Variants in SLC36A2 observed in about 807,000 individuals in gnomAD.
SLC36A2 encodes the protein proton-coupled amino acid transporter 2.
A neutral mutation model predicts 42.7 loss-of-function variants in SLC36A2; 39 were observed. The observed-to-expected ratio is 0.91, with a 90% CI of 0.71 to 1.19. SLC36A2 has a LOEUF of 1.19. Ranked by LOEUF, SLC36A2 falls within the 50% of genes most tolerant of loss-of-function variation. The pLI, the probability that SLC36A2 is intolerant of heterozygous loss-of-function variation, is 0.00. For missense variants in SLC36A2, 590 were observed against 613.7 expected, an observed-to-expected ratio of 0.96 and a Z score of 0.41; for synonymous variants, 237 against 240.8, an observed-to-expected ratio of 0.98 and a Z score of 0.15.
At chr5:151,347,172 T>C (rs1378072878) in intron 1 of SLC36A2, 125 bp downstream of exon 1, 1 of 1,221,430 alleles carries the variant, frequency 8.2e-7, no homozygotes, top group African/African-American at 1.5e-5. Context: ...TGACTGCACC[T>C]TTTGCAACCT....
At position 151,316,811 on chromosome 5, in the gene SLC36A2, C is replaced by T. The variant is rs760235558; in HGVS notation, c.*6G>A. On this transcript the variant is annotated 3_prime_UTR_variant, in exon 10 of 10. Coordinates refer to ENST00000335244, the MANE Select transcript of SLC36A2 (RefSeq NM_181776.3). Reference sequence around the variant, plus strand: ...GGGTGCTGGTAGGCAAGGAGCAGTGCCAGGCTCACCGAACAAAAGTGGTGG... The same window carrying T: ...GGGTGCTGGTAGGCAAGGAGCAGTGTCAGGCTCACCGAACAAAAGTGGTGG... 6.2e-7 allele frequency: 1 copy of T among 1,612,176 alleles called. No individual in the cohort carries two copies. The highest frequency in any genetic ancestry group is 1.1e-5 in the South Asian group (1 of 91,008).
intron 4 of SLC36A2, among the ~76,000 whole-genome samples, chr5:151,342,603 C>T (rs1004533276): frequency 1.3e-5 from 2 of 152,220 alleles, no homozygotes; most frequent in African/African-American, 4.8e-5. Context: ...TTGTTCTTCT[C>T]AGTCCCCATG....
intron 1 of SLC36A2, 146 bp from the exon 2 acceptor site, chr5:151,344,413 C>T: frequency 1.4e-6 from 1 of 739,560 alleles, no homozygotes; most frequent in Admixed American, 2.0e-5. Context: ...ATCTGGGTCT[C>T]CTGTAGGGTT....
rs772200483 is a variant in SLC36A2 at position 151,333,291 on chromosome 5, A to T, written c.776T>A (p.Val259Glu). 7.4e-6 allele frequency: 12 copies of T among 1,614,106 alleles called. No individual in the cohort carries two copies. The highest frequency in any genetic ancestry group is 1.0e-5 in the Non-Finnish European group (12 of 1,179,958). Reference sequence around the variant, plus strand: ...GAGAGGGTAGGTCTTCCAGCTTGCTACCAGTGGCAACCGGCTGGGGTCTGG... The same window carrying T: ...GAGAGGGTAGGTCTTCCAGCTTGCTTCCAGTGGCAACCGGCTGGGGTCTGG... ...EIPDPSRLPL[V>E]ASWKTYPLFF... The change falls in exon 7 of 10, where the codon GTA becomes GAA. Residue 259 changes from valine to glutamate, a missense_variant. By Grantham distance (121) the Val-to-Glu change is moderately radical. Coordinates refer to ENST00000335244, the MANE Select transcript of SLC36A2 (RefSeq NM_181776.3).
At chr5:151,342,845 TC>T in intron 4 of SLC36A2, 42 bp downstream of exon 4, 1 of 1,536,630 alleles carries the variant, frequency 6.5e-7, no homozygotes, top group Non-Finnish European at 9.0e-7. Context: ...CATTTTCTCC[TC>T]CTGTGTCCTA....
intron 8 of SLC36A2, 124 bp from the exon 9 acceptor site, chr5:151,322,339 T>G (rs1755719798): frequency 1.8e-6 from 2 of 1,101,368 alleles, no homozygotes; most frequent in Admixed American, 4.0e-5. Flanking sequence ...TGAAAATGAC[T>G]GAGAGGGACC....
chr5:151,319,972 TTTC>T (rs1755636081), intron 9 of SLC36A2, among the ~76,000 whole-genome samples: 2 of 152,316 alleles, frequency 1.3e-5, no homozygotes, highest in Admixed American at 6.5e-5. Context: ...ATCTATAGAT[TTTC>T]TTTTTACATC....
At position 151,316,763 on chromosome 5, in the gene SLC36A2, A is replaced by AAAT; in HGVS notation, c.*53_*54insATT. On this transcript the variant is annotated 3_prime_UTR_variant, in exon 10 of 10. Transcript: ENST00000335244. The stretch of plus-strand genomic sequence containing the variant: ...CTCAAAAAAAAAAAAAAAAAAAAAA[A>AAAT]GAGATCCATATAATTAAAAGTCGGG... 3 of 1,490,244 alleles carry AAAT rather than the reference A, an allele frequency of 2.0e-6. No individual in the cohort carries two copies. The highest frequency in any genetic ancestry group is 2.0e-5 in the Admixed American group (1 of 50,654). The allele number at this position is 1,490,244 out of a possible 1,614,324, so 92.3% of individuals were successfully genotyped here. A position where few individuals can be genotyped will look rare whatever the true frequency, so the allele number is the denominator to read the frequency against.
At chr5:151,318,509 ATAAT>A (rs1755579720) in intron 9 of SLC36A2, among the ~76,000 whole-genome samples, 1 of 115,326 alleles carries the variant, frequency 8.7e-6, no homozygotes, top group South Asian at 2.8e-4. Context: ...ATAAAAATAA[ATAAT>A]AAATAAAAAT....
chr5:151,342,895 A>G lies in SLC36A2; in HGVS notation c.433T>C (p.Trp145Arg). Residue 145 changes from tryptophan (W) to arginine (R), a missense_variant, in exon 4 of 10, where the codon TGG becomes CGG. By Grantham distance (101) the Trp-to-Arg change is moderately radical. Coordinates refer to ENST00000335244, the MANE Select transcript of SLC36A2 (RefSeq NM_181776.3). The stretch of plus-strand genomic sequence containing the variant: ...AAAGCAAGAACAGGTTACCTTCCCC[A>G]GTGAGCGTGATTCTGGAGCCAGGCG... ...PNAWLQNHAH[W>R]GRHIVSFFLI... 1.2e-6 allele frequency: 2 copies of G among 1,614,024 alleles called. No individual in the cohort carries two copies. The highest frequency in any genetic ancestry group is 1.7e-6 in the Non-Finnish European group (2 of 1,179,888).
chr5:151,343,327 A>G lies in SLC36A2; in HGVS notation c.344+183T>C, dbSNP rs1756400711. ...AGATAAGCACAATAGCCTGACTGAG[A>G]TCTCCTAAGGAGCCATGCAGAAGAG... is the stretch of plus-strand genomic sequence containing the variant. On this transcript the variant is annotated intron_variant, in intron 3 of 9. Transcript: ENST00000335244. Among the ~76,000 whole-genome samples the G allele has an allele frequency of 2.6e-5, 4 of 152,286 alleles. No individual in the cohort carries two copies. The South Asian group carries it at 8.3e-4, about 32-fold the overall frequency.
intron 7 of SLC36A2, among the ~76,000 whole-genome samples, chr5:151,330,717 T>A (rs1271254438): frequency 6.6e-6 from 1 of 152,200 alleles, no homozygotes; most frequent in South Asian, 2.1e-4. Context: ...GATGATAACA[T>A]TGTTGGTGTT....
intron 9 of SLC36A2, among the ~76,000 whole-genome samples, chr5:151,317,827 T>C (rs1239944326): frequency 6.6e-6 from 1 of 152,194 alleles, no homozygotes; most frequent in Non-Finnish European, 1.5e-5. Flanking sequence ...GTTGGGTGCT[T>C]GTGAATTCAA....
intron 5 of SLC36A2, 104 bp from the exon 6 acceptor site, chr5:151,335,651 G>C (rs529191688): frequency 1.2e-6 from 1 of 866,438 alleles, no homozygotes; most frequent in East Asian, 2.4e-5. Context: ...CAGTGAATGG[G>C]AGTGTCCCAC....
At chr5:151,322,517 T>C (rs1442115488) in intron 8 of SLC36A2, among the ~76,000 whole-genome samples, 3 of 152,206 alleles carry the variant, frequency 2.0e-5, no homozygotes, top group East Asian at 1.9e-4. Flanking sequence ...CTCAATCTTA[T>C]GTTTTAAAAA....
At chr5:151,345,431 G>T (rs1420598455) in intron 1 of SLC36A2, among the ~76,000 whole-genome samples, 1 of 152,190 alleles carries the variant, frequency 6.6e-6, no homozygotes, top group Admixed American at 6.5e-5. Context: ...ATTTTTAAAA[G>T]ATGCTATTTT....
intron 7 of SLC36A2, among the ~76,000 whole-genome samples, chr5:151,332,162 C>A (rs1005988372): frequency 6.6e-6 from 1 of 151,798 alleles, no homozygotes; most frequent in Non-Finnish European, 1.5e-5. Context: ...CCACCGCGCC[C>A]GGCTCCATCT....
intron 4 of SLC36A2, 102 bp from the exon 5 acceptor site, chr5:151,339,246 GC>G: frequency 1.2e-6 from 1 of 807,506 alleles, no homozygotes; most frequent in Non-Finnish European, 2.1e-6. Flanking sequence ...GGGATTGGTT[GC>G]CCTGTACCAG....
At chr5:151,342,156 AAT>A (rs1269487036) in intron 4 of SLC36A2, among the ~76,000 whole-genome samples, 1 of 152,184 alleles carries the variant, frequency 6.6e-6, no homozygotes, top group Admixed American at 6.5e-5. Flanking sequence ...GAAAAGAACA[AAT>A]AGAGTCTTCG....
Sources: gnomAD v4.1 joint callset for allele counts (sites outside exome capture counted in the v4.1 genomes callset) on GRCh38, gnomAD v4.1.1 for gene constraint, MANE v1.5 for transcripts, NCBI Gene and HGNC (gene_info 2026-07-23, HGNC 2026-07-21) for gene names.